The following TAF2 variants were observed in gnomAD, a reference collection of about 807,000 sequenced individuals.
TAF2 encodes the protein transcription initiation factor TFIID subunit 2.
TAF2 carries 61 observed loss-of-function variants against 138.5 expected under a neutral mutation model. The ratio of observed to expected loss-of-function variants is 0.44; its 90% CI spans 0.36 to 0.54. The LOEUF (loss-of-function observed/expected upper bound fraction) is 0.54, where lower values mean the gene tolerates loss of function less well. TAF2 is among the 20% of genes least tolerant of loss of function. TAF2 has a pLI of 0.00. For synonymous variants in TAF2, 475 were observed against 469.9 expected, an observed-to-expected ratio of 1.01 and a Z score of -0.14; for missense variants, 1,090 against 1,427.9, an observed-to-expected ratio of 0.76 and a Z score of 3.81.
intron 18 of TAF2, among the ~76,000 whole-genome samples, chr8:119,776,194 A>G (rs1822219605): frequency 6.6e-6 from 1 of 152,200 alleles, no homozygotes. Flanking sequence ...ACAGTATTAA[A>G]CAACGTCAAG....
At chr8:119,805,928 G>A (rs1366472908) in intron 4 of TAF2, among the ~76,000 whole-genome samples, 1 of 150,052 alleles carries the variant, frequency 6.7e-6, no homozygotes, top group Non-Finnish European at 1.5e-5. Context: ...TTTTTAAGAC[G>A]GAGTCTCACT....
chr8:119,817,910 T>C (rs889334757), intron 3 of TAF2, among the ~76,000 whole-genome samples: 3 of 152,220 alleles, frequency 2.0e-5, no homozygotes, highest in East Asian at 1.9e-4. Context: ...GGGATGCAGA[T>C]AATTTTGTAA....
intron 11 of TAF2, among the ~76,000 whole-genome samples, chr8:119,790,042 G>C (rs543753902): frequency 2.0e-5 from 3 of 151,956 alleles, no homozygotes. Flanking sequence ...AGTTTATATA[G>C]AAACTAGAAA....
Position 119,803,973 on chromosome 8 carries a change from G to A in TAF2, c.465C>T (p.Pro155=). ...KIHINFSLDQ[P]KGGLHFVVPS... is the part of the protein sequence containing the mutation. The stretch of plus-strand genomic sequence containing the variant: ...GTACCACAAAATGAAGACCTCCTTT[G>A]GGCTGATCCAAAGAAAAATTGATGT... Residue 155 remains proline, a synonymous_variant, in exon 5 of 26, where the codon CCC becomes CCT. Coordinates refer to ENST00000378164, the MANE Select transcript of TAF2 (RefSeq NM_003184.4). 1 of 1,613,940 alleles carries A rather than the reference G, an allele frequency of 6.2e-7. No homozygotes were observed. Among genetic ancestry groups the A allele is most frequent in the Non-Finnish European group, 8.5e-7 (1 of 1,179,980 alleles).
At chr8:119,784,888 G>A (rs183285695) in intron 15 of TAF2, among the ~76,000 whole-genome samples, 1 of 152,220 alleles carries the variant, frequency 6.6e-6, no homozygotes, top group African/African-American at 2.4e-5. Context: ...TGATTCACAT[G>A]CACATTATAG....
intron 2 of TAF2, among the ~76,000 whole-genome samples, chr8:119,831,012 T>C (rs184224389): frequency 1.3e-5 from 2 of 152,084 alleles, no homozygotes; most frequent in Admixed American, 1.3e-4. Context: ...GAGGCTGAGG[T>C]AGGACAACTG....
intron 3 of TAF2, among the ~76,000 whole-genome samples, chr8:119,817,240 G>C (rs994716906): frequency 9.2e-5 from 14 of 151,868 alleles, no homozygotes; most frequent in African/African-American, 3.1e-4. Flanking sequence ...ATATATACAG[G>C]TCTGTGGCCT....
chr8:119,829,397 CGTT>C (rs1826297908), intron 2 of TAF2, among the ~76,000 whole-genome samples: 1 of 152,092 alleles, frequency 6.6e-6, no homozygotes, highest in Non-Finnish European at 1.5e-5. Context: ...TTCCCCTTCC[CGTT>C]GTTGTTTCAG....
At chr8:119,790,184 C>A (rs1396561014) in intron 11 of TAF2, among the ~76,000 whole-genome samples, 1 of 152,084 alleles carries the variant, frequency 6.6e-6, no homozygotes, top group Non-Finnish European at 1.5e-5. Flanking sequence ...GCCTGTAATC[C>A]TAGCACTTTG....
intron 6 of TAF2, among the ~76,000 whole-genome samples, chr8:119,800,261 G>T (rs1203641902): frequency 6.6e-6 from 1 of 152,164 alleles, no homozygotes; most frequent in East Asian, 1.9e-4. Context: ...TTCTTCTAGG[G>T]TTTTTATAGT....
Position 119,832,499 on chromosome 8 carries a change from G to A in TAF2, c.66C>T (p.Ser22=), listed in dbSNP as rs1384595176. The A allele has an allele frequency of 1.2e-6, 2 of 1,613,800 alleles. No individual in the cohort carries two copies. Among genetic ancestry groups the A allele is most frequent in the Admixed American group, 3.3e-5 (2 of 60,004 alleles). The change falls in exon 1 of 26, where the codon AGC becomes AGT. Residue 22 remains serine (S), a synonymous_variant. Transcript: ENST00000378164. ...ATACTTATAATTTATATGGCCTTGG[G>A]CTTTCAAAGCCCTTGTCTCCTTTCT... The part of the protein sequence containing the change: ...NRKKGDKGFE[S]PRPYKLTHQV...
chr8:119,786,568 T>C (rs1823025158), intron 14 of TAF2, among the ~76,000 whole-genome samples: 2 of 152,196 alleles, frequency 1.3e-5, no homozygotes, highest in Admixed American at 1.3e-4. Context: ...TTGGTAATAC[T>C]AACTGGAAGT....
At chr8:119,827,373 C>T (rs184107297) in intron 2 of TAF2, among the ~76,000 whole-genome samples, 16 of 152,276 alleles carry the variant, frequency 1.1e-4, no homozygotes, top group Non-Finnish European at 1.5e-5. Context: ...CCTTTATCTG[C>T]ACAGACATGT....
chr8:119,785,143 G>C, intron 15 of TAF2, 58 bp downstream of exon 15: 2 of 1,398,516 alleles, frequency 1.4e-6, no homozygotes, highest in Admixed American at 3.4e-5. Flanking sequence ...GCATAACAAA[G>C]TAGACAGATG....
chr8:119,816,186 G>A (rs1341961642), intron 3 of TAF2, among the ~76,000 whole-genome samples: 2 of 151,640 alleles, frequency 1.3e-5, no homozygotes, highest in Non-Finnish European at 2.9e-5. Flanking sequence ...AAGTAGCTGG[G>A]ACTACAGGCA....
intron 21 of TAF2, 131 bp downstream of exon 21, chr8:119,757,942 G>T: frequency 2.5e-6 from 2 of 792,252 alleles, no homozygotes; most frequent in Non-Finnish European, 4.3e-6. Flanking sequence ...ATTTAAAAAG[G>T]ACATGAATAA....
At chr8:119,735,316 A>G (rs1458511133) in intron 25 of TAF2, among the ~76,000 whole-genome samples, 1 of 152,198 alleles carries the variant, frequency 6.6e-6, no homozygotes, top group African/African-American at 2.4e-5. Context: ...TGCTAAATGA[A>G]TGAATGAATG....
intron 18 of TAF2, among the ~76,000 whole-genome samples, chr8:119,777,557 CAATTGCTATTTGCTAAATA>C (rs150079664): frequency 0.015 from 2,280 of 152,118 alleles, 61 homozygotes; most frequent in African/African-American, 0.053. Context: ...GCAGGACATC[CAATTGCTATTTGCTAAATA>C]AATGAATAAA....
chr8:119,732,710 A>G (rs1184712277), intron 25 of TAF2, among the ~76,000 whole-genome samples: 2 of 152,008 alleles, frequency 1.3e-5, no homozygotes, highest in East Asian at 3.9e-4. Context: ...AGGCTGAGGT[A>G]GGAGAATCAC....
Sources: allele counts gnomAD v4.1 joint callset (sites outside exome capture counted in the v4.1 genomes callset), GRCh38; gene constraint gnomAD v4.1.1; transcripts MANE v1.5; gene names NCBI Gene and HGNC (gene_info 2026-07-23, HGNC 2026-07-21).